The following CFAP299 variants were observed in gnomAD, a reference collection of about 807,000 sequenced individuals.
CFAP299 encodes cilia- and flagella-associated protein 299.
CFAP299 carries 21 observed loss-of-function variants against 27.0 expected under a neutral mutation model. The ratio of observed to expected loss-of-function variants is 0.78; its 90% CI spans 0.55 to 1.12. The LOEUF is 1.12. Ranked by LOEUF, CFAP299 falls within the 50% of genes most tolerant of loss-of-function variation. CFAP299 has a pLI of 0.00. For synonymous variants in CFAP299, 104 were observed against 98.1 expected (o/e 1.06, Z -0.36); for missense variants, 310 against 276.6 (o/e 1.12, Z -0.86).
chr4:80,413,994 T>C (rs1034645420), intron 2 of CFAP299, among the ~76,000 whole-genome samples: 1 of 151,830 alleles, frequency 6.6e-6, no homozygotes, highest in Non-Finnish European at 1.5e-5. Flanking sequence ...GAATATCATC[T>C]CTGAAAAGAA....
intron 4 of CFAP299, among the ~76,000 whole-genome samples, chr4:80,892,789 C>A (rs939123947): frequency 6.6e-6 from 1 of 151,854 alleles, no homozygotes; most frequent in Admixed American, 6.6e-5. Flanking sequence ...TGGCGAAAAA[C>A]CGAAAGCTTT....
At chr4:80,383,625 A>G (rs1332936289) in intron 2 of CFAP299, among the ~76,000 whole-genome samples, 2 of 152,292 alleles carry the variant, frequency 1.3e-5, no homozygotes, top group East Asian at 1.9e-4. Context: ...TTTTATTGTG[A>G]TAGTCTTGAC....
At chr4:80,629,972 C>A (rs1293295397) in intron 3 of CFAP299, among the ~76,000 whole-genome samples, 4 of 151,408 alleles carry the variant, frequency 2.6e-5, no homozygotes, top group Non-Finnish European at 1.5e-5. Context: ...CAGCTATTTT[C>A]ATTGAAATTT....
chr4:80,366,974 T>A (rs1578360924), intron 2 of CFAP299, among the ~76,000 whole-genome samples: 1 of 152,198 alleles, frequency 6.6e-6, no homozygotes, highest in Non-Finnish European at 1.5e-5. Flanking sequence ...TACTGCATGA[T>A]ACCATTTATA....
In CFAP299 at chr4:80,760,399, A is replaced by G. The variant is rs568392290; in HGVS notation, c.334-109594A>G. Among the ~76,000 whole-genome samples the G allele has an allele frequency of 4.6e-5, 7 of 152,272 alleles. No individual in the cohort carries two copies. The South Asian group carries it at 1.5e-3, about 32-fold the overall frequency. On this transcript the variant is annotated intron_variant, in intron 3 of 5. Coordinates refer to ENST00000358105, the MANE Select transcript of CFAP299 (RefSeq NM_152770.3). ...GCAAGAGAGAATAAAGACAAACTGG[A>G]GCCACCACCACCTCTGCATCTTTCC...
rs535629106 is a variant in CFAP299, at chr4:80,762,197, C to G, written c.334-107796C>G. 2.6e-5 allele frequency among the ~76,000 whole-genome samples: 4 copies of G among 151,850 alleles called. No homozygotes were observed. The South Asian group carries it at 8.3e-4, about 32-fold the overall frequency. ...ATAACCTCAGGATATGTTTCAAAAA[C>G]TGAAAACATACCTTTCCTTTTCTGA... On this transcript the variant is annotated intron_variant, in intron 3 of 5. Coordinates refer to ENST00000358105, the MANE Select transcript of CFAP299 (RefSeq NM_152770.3).
chr4:80,397,912 T>A (rs1443716673), intron 2 of CFAP299, among the ~76,000 whole-genome samples: 1 of 152,212 alleles, frequency 6.6e-6, no homozygotes, highest in East Asian at 1.9e-4. Context: ...TGTTTGCAGA[T>A]GACATGATTG....
chr4:80,499,713 G>A (rs1731647961), intron 2 of CFAP299, among the ~76,000 whole-genome samples: 1 of 151,992 alleles, frequency 6.6e-6, no homozygotes, highest in Non-Finnish European at 1.5e-5. Flanking sequence ...GCGTGCACAT[G>A]GAGATTTAGG....
intron 2 of CFAP299, among the ~76,000 whole-genome samples, chr4:80,425,662 G>A (rs1727497071): frequency 1.3e-5 from 2 of 152,170 alleles, no homozygotes; most frequent in South Asian, 2.1e-4. Context: ...GCAAGCCTCC[G>A]AACAGTTGTG....
chr4:80,407,007 A>G (rs1031554758), intron 2 of CFAP299, among the ~76,000 whole-genome samples: 1 of 152,176 alleles, frequency 6.6e-6, no homozygotes, highest in Non-Finnish European at 1.5e-5. Flanking sequence ...GCAAAATTTT[A>G]TATTACTCTA....
chr4:80,850,902 G>A (rs774338057), intron 3 of CFAP299, among the ~76,000 whole-genome samples: 3 of 152,118 alleles, frequency 2.0e-5, no homozygotes, highest in Non-Finnish European at 4.4e-5. Context: ...AAAATCAGCA[G>A]AATTTGATGA....
At chr4:80,466,493 A>G (rs1007293090) in intron 2 of CFAP299, among the ~76,000 whole-genome samples, 1 of 152,224 alleles carries the variant, frequency 6.6e-6, no homozygotes, top group Admixed American at 6.5e-5. Flanking sequence ...AGTGCAAAGT[A>G]TCTTGAGCCA....
At chr4:80,546,896 T>C (rs1476344523) in intron 2 of CFAP299, among the ~76,000 whole-genome samples, 1 of 152,064 alleles carries the variant, frequency 6.6e-6, no homozygotes, top group Non-Finnish European at 1.5e-5. Context: ...TTTATAGCAA[T>C]GCAAGAATGG....
In CFAP299 at chr4:80,673,158, C is replaced by A. The variant is rs191340653; in HGVS notation, c.333+89975C>A. Among the ~76,000 whole-genome samples the A allele has an allele frequency of 2.4e-3, 365 of 152,092 alleles. 2 individuals are homozygous for A. The highest frequency in any genetic ancestry group is 8.4e-3 in the African/African-American group (348 of 41,516). The stretch of plus-strand genomic sequence containing the variant: ...TCTTGTGGGCATTTAGTGCTATAAA[C>A]TTCCCTCTACACACTGTTTTAAATG... On this transcript the variant is annotated intron_variant, in intron 3 of 5. Transcript: ENST00000358105.
chr4:80,792,745 G>T (rs1008252469), intron 3 of CFAP299, among the ~76,000 whole-genome samples: 1 of 152,092 alleles, frequency 6.6e-6, no homozygotes, highest in Non-Finnish European at 1.5e-5. Flanking sequence ...AGCCCAGCTT[G>T]TGTAGGCAAA....
intron 2 of CFAP299, among the ~76,000 whole-genome samples, chr4:80,391,471 ATGT>A (rs1170896449): frequency 6.6e-6 from 1 of 152,100 alleles, no homozygotes; most frequent in Non-Finnish European, 1.5e-5. Flanking sequence ...ATGACTAGTG[ATGT>A]TGAGCACTTT....
intron 3 of CFAP299, among the ~76,000 whole-genome samples, chr4:80,628,657 A>C (rs1739041027): frequency 6.6e-6 from 1 of 152,180 alleles, no homozygotes; most frequent in African/African-American, 2.4e-5. Flanking sequence ...CTATTCAATA[A>C]AATTAGGAGC....
At chr4:80,564,091 TC>T (rs1170117036) in intron 2 of CFAP299, among the ~76,000 whole-genome samples, 1 of 151,970 alleles carries the variant, frequency 6.6e-6, no homozygotes, top group African/African-American at 2.4e-5. Context: ...ACTGTTAAAT[TC>T]TCACAAACAT....
At position 80,791,177 on chromosome 4, in the gene CFAP299, A is replaced by G. The variant is rs1030602387; in HGVS notation, c.334-78816A>G. ...TTTATTATTATTCTAGAGAAATAAA[A>G]TGTTACTTAACAAGTCTCCTTTTGT... is the stretch of plus-strand genomic sequence containing the variant. On this transcript the variant is annotated intron_variant, in intron 3 of 5. Transcript: ENST00000358105. Among the ~76,000 whole-genome samples the G allele has an allele frequency of 1.8e-4, 27 of 152,216 alleles. No homozygotes were observed. The South Asian group carries it at 5.2e-3, about 29-fold the overall frequency.
Sources: allele counts gnomAD v4.1 joint callset (sites outside exome capture counted in the v4.1 genomes callset), GRCh38; gene constraint gnomAD v4.1.1; transcripts MANE v1.5; gene names NCBI Gene and HGNC (gene_info 2026-07-23, HGNC 2026-07-21).